The following MID1 variants were observed in gnomAD, a reference collection of about 807,000 sequenced individuals.
MID1 encodes midline 1.
In MID1, 7 loss-of-function variants were observed where a neutral mutation model predicts 40.4. The ratio of observed to expected loss-of-function variants is 0.17; its 90% CI spans 0.10 to 0.33. The LOEUF (loss-of-function observed/expected upper bound fraction) is 0.33. Ranked by LOEUF, MID1 falls within the 10% of genes least tolerant of loss-of-function variation. The probability of loss-of-function intolerance (pLI) is 1.00; values close to 1 mark genes in which losing one functional copy is unlikely to be tolerated. For missense variants in MID1, 367 were observed against 558.5 expected (o/e 0.66, Z 3.46); for synonymous variants, 229 against 221.2 (o/e 1.04, Z -0.31).
intron 1 of MID1, among the ~76,000 whole-genome samples, chrX:10,592,982 T>A (rs1038593662): frequency 1.8e-5 from 2 of 112,232 alleles, no homozygotes; most frequent in Admixed American, 1.9e-4. Context: ...TGATCATAAA[T>A]AGAGATGACG....
chrX:10,696,949 T>C (rs917282882), intron 1 of MID1, among the ~76,000 whole-genome samples: 3 of 112,099 alleles, frequency 2.7e-5, no homozygotes, highest in African/African-American at 9.7e-5. Context: ...TTGTCCATAA[T>C]CTCTGTTTTT....
intron 1 of MID1, among the ~76,000 whole-genome samples, chrX:10,796,413 G>GGTT (rs2043967413): frequency 1.2e-5 from 1 of 86,701 alleles, no homozygotes; most frequent in African/African-American, 4.4e-5. Flanking sequence ...AGAAAATTCA[G>GGTT]TTTTTTTTTT....
At chrX:10,631,899 C>T (rs773551070) in intron 1 of MID1, among the ~76,000 whole-genome samples, 60 of 111,570 alleles carry the variant, frequency 5.4e-4, no homozygotes, top group African/African-American at 1.9e-3. Flanking sequence ...TCCCAGATAC[C>T]GAACAGGAAG....
chrX:10,647,131 C>T (rs189305113), intron 1 of MID1, among the ~76,000 whole-genome samples: 1 of 111,393 alleles, frequency 9.0e-6, no homozygotes, highest in African/African-American at 3.3e-5. Context: ...ACCTCTCAAG[C>T]TACACAACCA....
chrX:10,813,951 C>T (rs904379569), intron 1 of MID1, among the ~76,000 whole-genome samples: 5 of 112,074 alleles, frequency 4.5e-5, no homozygotes, highest in Admixed American at 3.8e-4. Context: ...CTACTCAACT[C>T]TGCTGTTGTA....
intron 8 of MID1, among the ~76,000 whole-genome samples, chrX:10,458,558 A>AG (rs1928825076): frequency 8.9e-6 from 1 of 112,078 alleles, no homozygotes. Context: ...GGGTGTACAG[A>AG]ACTCTCTGTA....
intron 1 of MID1, among the ~76,000 whole-genome samples, chrX:10,801,197 TA>T (rs200099668): frequency 1.4e-4 from 15 of 110,378 alleles, no homozygotes; most frequent in Non-Finnish European, 2.7e-4. Flanking sequence ...TATGTGGAAG[TA>T]AAAAAAAATA....
chrX:10,801,798 T>A lies in MID1; in HGVS notation c.-187+31756A>T, dbSNP rs147563073. Among the ~76,000 whole-genome samples, 99 of 111,907 alleles carry A rather than the reference T, an allele frequency of 8.8e-4. No individual in the cohort carries two copies. In the East Asian group the frequency reaches 0.02, roughly 23 times the overall value. On this transcript the variant is annotated intron_variant, in intron 1 of 10. Coordinates refer to the MID1 transcript ENST00000380785. The stretch of plus-strand genomic sequence containing the variant: ...TCTGACATCAGCTTTGGCAAATAAT[T>A]TATGGCTAAGTCTTCAAAAGCAATT...
rs778696153 is a variant in MID1, at chrX:10,469,751, C to T, written c.1231G>A (p.Val411Met). 8.3e-6 allele frequency: 10 copies of T among 1,210,477 alleles called. No homozygotes were observed. Among genetic ancestry groups the T allele is most frequent in the Non-Finnish European group, 1.1e-5 (10 of 894,453 alleles). ...GTGTACTGGAGCTCGTAGGAGACCA[C>T]GCTGAACTCATCATCGGAGGTCCAA... ...VHWTSDDEFS[V>M]VSYELQYTIF... Residue 411 changes from valine (V) to methionine (M), a missense_variant, in exon 7 of 10, where the codon GTG becomes ATG. Transcript: ENST00000317552.
rs538750602 is a variant in MID1 at position 10,695,704 on chromosome X, G to A, written c.-186-75285C>T. ...TCTCAGCGGACTGATTTTTGTCTGC[G>A]CAGCAGGCAGGAAGAACCCATCAGG... On this transcript the variant is annotated intron_variant, in intron 1 of 10. Transcript: ENST00000380785. Among the ~76,000 whole-genome samples the A allele has an allele frequency of 2.4e-3, 269 of 111,787 alleles. 1 individual carries two copies. The highest frequency in any genetic ancestry group is 3.3e-3 in the Non-Finnish European group (178 of 53,191).
intron 4 of MID1, among the ~76,000 whole-genome samples, chrX:10,485,174 C>T (rs1280640883): frequency 2.7e-5 from 3 of 110,944 alleles, no homozygotes; most frequent in South Asian, 3.8e-4. Context: ...CAACAGAGAC[C>T]GTATGGCAAA....
chrX:10,571,868 A>C (rs1236499641), intron 1 of MID1, among the ~76,000 whole-genome samples: 3 of 110,687 alleles, frequency 2.7e-5, no homozygotes, highest in Admixed American at 1.9e-4. Context: ...CAGCCTGGGC[A>C]ACAGAGTGAG....
At chrX:10,648,986 C>T (rs1484238159) in intron 1 of MID1, among the ~76,000 whole-genome samples, 1 of 111,952 alleles carries the variant, frequency 8.9e-6, no homozygotes, top group African/African-American at 3.2e-5. Flanking sequence ...TGAAGATTTC[C>T]TTAAGTTCAC....
chrX:10,601,778 G>A (rs1025848751), intron 1 of MID1, among the ~76,000 whole-genome samples: 3 of 111,668 alleles, frequency 2.7e-5, no homozygotes, highest in Admixed American at 9.5e-5. Context: ...CAATTATTGG[G>A]AATGGGGAAG....
chrX:10,487,010 C>T (rs1437464353), intron 4 of MID1, among the ~76,000 whole-genome samples: 1 of 111,319 alleles, frequency 9.0e-6, no homozygotes, highest in Non-Finnish European at 1.9e-5. Flanking sequence ...CCACTACACC[C>T]GGCTAATTTT....
chrX:10,730,009 G>C (rs1479320501), intron 1 of MID1, among the ~76,000 whole-genome samples: 1 of 108,631 alleles, frequency 9.2e-6, no homozygotes, highest in Non-Finnish European at 1.9e-5. Flanking sequence ...GCGTGAACCT[G>C]GTAGGCGGAG....
At chrX:10,618,707 G>A (rs1271014977) in intron 1 of MID1, among the ~76,000 whole-genome samples, 4 of 111,353 alleles carry the variant, frequency 3.6e-5, no homozygotes, top group Admixed American at 2.9e-4. Context: ...ATTCCAAGCT[G>A]GGGGAAGCAA....
chrX:10,599,315 C>T (rs1233556198), intron 1 of MID1, among the ~76,000 whole-genome samples: 1 of 112,343 alleles, frequency 8.9e-6, no homozygotes, highest in Non-Finnish European at 1.9e-5. Context: ...CTTTTACCTG[C>T]TTAGAACTTT....
At chrX:10,726,265 T>G (rs764438088) in intron 1 of MID1, among the ~76,000 whole-genome samples, 1 of 112,346 alleles carries the variant, frequency 8.9e-6, no homozygotes, top group Non-Finnish European at 1.9e-5. Context: ...GCACACTCTG[T>G]ATGATATAAT....
Sources: gnomAD v4.1 joint callset for allele counts (sites outside exome capture counted in the v4.1 genomes callset) on GRCh38, gnomAD v4.1.1 for gene constraint, MANE v1.5 for transcripts, NCBI Gene and HGNC (gene_info 2026-07-23, HGNC 2026-07-21) for gene names.